Variants in IMMP1L observed in about 807,000 individuals in gnomAD.
The protein encoded by IMMP1L is inner mitochondrial membrane peptidase subunit 1, also known as mitochondrial inner membrane protease subunit 1.
A neutral mutation model predicts 21.8 loss-of-function variants in IMMP1L; 24 were observed. The observed-to-expected ratio is 1.10, with a 90% CI of 0.80 to 1.55. IMMP1L has a LOEUF of 1.55. IMMP1L is among the 40% of genes most tolerant of loss of function. The probability of loss-of-function intolerance (pLI) is 0.00; values close to 1 mark genes in which losing one functional copy is unlikely to be tolerated. For missense variants in IMMP1L, 195 were observed against 200.7 expected (o/e 0.97, Z 0.17); for synonymous variants, 46 against 62.8 (o/e 0.73, Z 1.26).
At chr11:31,460,449 A>G (rs1954099317) in intron 3 of IMMP1L, among the ~76,000 whole-genome samples, 177 bp downstream of exon 3, 1 of 152,208 alleles carries the variant, frequency 6.6e-6, no homozygotes, top group Admixed American at 6.5e-5. Flanking sequence ...TGTTTGAGAA[A>G]CTATTAAAAT....
At chr11:31,445,481 A>T (rs942069795) in intron 4 of IMMP1L, among the ~76,000 whole-genome samples, 3 of 152,230 alleles carry the variant, frequency 2.0e-5, no homozygotes, top group Non-Finnish European at 2.9e-5. Flanking sequence ...ATAGATTACC[A>T]GTAGAAAGGT....
At chr11:31,501,497 T>A (rs182235514) in intron 1 of IMMP1L, among the ~76,000 whole-genome samples, 6 of 152,212 alleles carry the variant, frequency 3.9e-5, no homozygotes, top group Non-Finnish European at 7.3e-5. Flanking sequence ...AGCCCCTCAA[T>A]CTTGGACTTC....
At chr11:31,455,688 C>T (rs1365534107) in intron 4 of IMMP1L, among the ~76,000 whole-genome samples, 1 of 152,164 alleles carries the variant, frequency 6.6e-6, no homozygotes, top group Non-Finnish European at 1.5e-5. Context: ...GGGCCTCAAT[C>T]TTTCCATGTT....
intron 1 of IMMP1L, among the ~76,000 whole-genome samples, chr11:31,506,016 C>A (rs1472970689): frequency 1.3e-5 from 2 of 152,084 alleles, no homozygotes; most frequent in Admixed American, 6.5e-5. Context: ...TTCAACTACA[C>A]GGGTGTGGGG....
intron 1 of IMMP1L, among the ~76,000 whole-genome samples, chr11:31,488,758 TATA>T (rs1174348958): frequency 2.0e-5 from 3 of 152,176 alleles, no homozygotes; most frequent in Non-Finnish European, 2.9e-5. Context: ...TGTGACCAGT[TATA>T]ATATGACAAA....
At chr11:31,458,035 G>C (rs934435183) in intron 3 of IMMP1L, among the ~76,000 whole-genome samples, 2 of 152,122 alleles carry the variant, frequency 1.3e-5, no homozygotes, top group East Asian at 3.9e-4. Flanking sequence ...AGCTTTGGAG[G>C]AAGAGACGTT....
At chr11:31,498,503 C>T (rs546775750) in intron 1 of IMMP1L, among the ~76,000 whole-genome samples, 1 of 152,254 alleles carries the variant, frequency 6.6e-6, no homozygotes, top group South Asian at 2.1e-4. Flanking sequence ...CCAGTTACTA[C>T]CTCAATTGCT....
intron 1 of IMMP1L, among the ~76,000 whole-genome samples, chr11:31,485,328 G>A (rs990900739): frequency 2.0e-5 from 3 of 151,712 alleles, no homozygotes; most frequent in African/African-American, 7.3e-5. Context: ...CTTCCTATTT[G>A]AAGTCATACT....
chr11:31,432,585 A>G lies in IMMP1L; in HGVS notation c.433-17T>C. The G allele has an allele frequency of 1.3e-6, 2 of 1,579,660 alleles. No individual in the cohort carries two copies. The highest frequency in any genetic ancestry group is 2.2e-5 in the South Asian group (2 of 90,288). Reference sequence around the variant, plus strand: ...AGGCCAAATCTGTAAAATCAAAATGAGGTTGAAGACAATTAGTGAAAGTAA... The same window carrying G: ...AGGCCAAATCTGTAAAATCAAAATGGGGTTGAAGACAATTAGTGAAAGTAA... On this transcript the variant is annotated splice_polypyrimidine_tract_variant and intron_variant, in intron 5 of 5. Transcript: ENST00000532287.
intron 4 of IMMP1L, among the ~76,000 whole-genome samples, chr11:31,443,728 T>C (rs573216215): frequency 7.2e-5 from 11 of 152,316 alleles, no homozygotes; most frequent in Non-Finnish European, 1.3e-4. Context: ...TTCAGCCTCA[T>C]TGCTGTCCTA....
At chr11:31,469,094 G>C (rs1954458698) in intron 1 of IMMP1L, among the ~76,000 whole-genome samples, 2 of 151,970 alleles carry the variant, frequency 1.3e-5, no homozygotes, top group Admixed American at 1.3e-4. Flanking sequence ...TTGATCATTT[G>C]TATATCTTCT....
chr11:31,455,825 C>T (rs1243501112), intron 4 of IMMP1L, among the ~76,000 whole-genome samples: 1 of 151,988 alleles, frequency 6.6e-6, no homozygotes, highest in Non-Finnish European at 1.5e-5. Flanking sequence ...TGCAAGTGCC[C>T]TTCTTGGTGC....
chr11:31,434,526 C>T (rs1953048825), intron 4 of IMMP1L, among the ~76,000 whole-genome samples: 1 of 151,988 alleles, frequency 6.6e-6, no homozygotes, highest in Admixed American at 6.6e-5. Flanking sequence ...TTTCACTATT[C>T]TTTTGACTGG....
At chr11:31,501,953 G>A (rs1057363244) in intron 1 of IMMP1L, among the ~76,000 whole-genome samples, 1 of 151,546 alleles carries the variant, frequency 6.6e-6, no homozygotes, top group Non-Finnish European at 1.5e-5. Context: ...ACTCCAGCCT[G>A]GGCAACAGAG....
At position 31,485,196 on chromosome 11, in the gene IMMP1L, G is replaced by C. The variant is rs143582989; in HGVS notation, c.-29-21891C>G. Among the ~76,000 whole-genome samples, 740 of 151,796 alleles carry C rather than the reference G, an allele frequency of 4.9e-3. 8 individuals are homozygous for C. The highest frequency in any genetic ancestry group is 0.017 in the African/African-American group (691 of 41,460). ...TATTTTTTAAAGCCGTAATTTCAAAGGTGATTTAACCTTTGTAACTGCCAT... is the reference window on the plus strand; with the variant it reads ...TATTTTTTAAAGCCGTAATTTCAAACGTGATTTAACCTTTGTAACTGCCAT... On this transcript the variant is annotated intron_variant, in intron 1 of 5. Coordinates refer to ENST00000532287, the MANE Select transcript of IMMP1L (RefSeq NM_001304274.2).
At chr11:31,499,031 G>A (rs1312860744) in intron 1 of IMMP1L, among the ~76,000 whole-genome samples, 2 of 152,096 alleles carry the variant, frequency 1.3e-5, no homozygotes, top group Non-Finnish European at 2.9e-5. Flanking sequence ...ATGGGATTCT[G>A]GTTCAAAACT....
At chr11:31,466,954 C>G (rs1954377370) in intron 1 of IMMP1L, among the ~76,000 whole-genome samples, 1 of 152,098 alleles carries the variant, frequency 6.6e-6, no homozygotes, top group African/African-American at 2.4e-5. Context: ...GAGGTGATGA[C>G]TACGCTAATT....
Position 31,437,642 on chromosome 11 carries a change from A to G in IMMP1L, c.322-4072T>C, listed in dbSNP as rs540273061. On this transcript the variant is annotated intron_variant, in intron 4 of 5. Transcript: ENST00000532287. Reference sequence around the variant, plus strand: ...TATACAGTAAAATGCACCTGTTTTAAGTTTTGACACACGTTTTGAAAAATG... The same window carrying G: ...TATACAGTAAAATGCACCTGTTTTAGGTTTTGACACACGTTTTGAAAAATG... Among the ~76,000 whole-genome samples the G allele has an allele frequency of 3.9e-5, 6 of 152,248 alleles. No homozygotes were observed. The East Asian group carries it at 7.7e-4, about 20-fold the overall frequency.
At chr11:31,490,030 T>C (rs112164935) in intron 1 of IMMP1L, among the ~76,000 whole-genome samples, 69 of 152,272 alleles carry the variant, frequency 4.5e-4, no homozygotes, top group Middle Eastern at 3.4e-3. Flanking sequence ...TAATCTCTAA[T>C]CATTCCAAAA....
Sources: gnomAD v4.1 joint callset for allele counts (sites outside exome capture counted in the v4.1 genomes callset) on GRCh38, gnomAD v4.1.1 for gene constraint, MANE v1.5 for transcripts, NCBI Gene and HGNC (gene_info 2026-07-23, HGNC 2026-07-21) for gene names.